The following ARIH1 variants were observed in gnomAD, a reference collection of about 807,000 sequenced individuals.
ARIH1 encodes E3 ubiquitin-protein ligase ARIH1.
A neutral mutation model predicts 85.0 loss-of-function variants in ARIH1; 8 were observed. That is an observed-to-expected ratio of 0.09 (90% confidence interval 0.06 to 0.17). ARIH1 has a LOEUF of 0.17. ARIH1 is among the 10% of genes least tolerant of loss of function. The pLI is 1.00. For missense variants in ARIH1, 311 were observed against 718.1 expected, an observed-to-expected ratio of 0.43 and a Z score of 6.48; for synonymous variants, 238 against 253.6, an observed-to-expected ratio of 0.94 and a Z score of 0.59.
intron 2 of ARIH1, among the ~76,000 whole-genome samples, chr15:72,539,385 T>G (rs917089614): frequency 6.6e-6 from 1 of 151,950 alleles, no homozygotes; most frequent in Non-Finnish European, 1.5e-5. Context: ...AACATAAGAC[T>G]CTTGAGATGA....
intron 3 of ARIH1, 145 bp downstream of exon 3, chr15:72,545,109 AG>A (rs1234232381): frequency 1.4e-6 from 1 of 707,018 alleles, no homozygotes; most frequent in African/African-American, 1.8e-5. Flanking sequence ...GTGTGAGGAA[AG>A]GAAGAAAAAG....
At chr15:72,560,253 T>C (rs1291985346) in intron 5 of ARIH1, among the ~76,000 whole-genome samples, 1 of 152,196 alleles carries the variant, frequency 6.6e-6, no homozygotes, top group African/African-American at 2.4e-5. Flanking sequence ...AAAATTATGA[T>C]AATTTCTATA....
intron 3 of ARIH1, among the ~76,000 whole-genome samples, chr15:72,547,357 C>G (rs35643744): frequency 6.6e-6 from 1 of 151,880 alleles, no homozygotes; most frequent in Non-Finnish European, 1.5e-5. Context: ...CTCAGCCTCC[C>G]GAGTAGCTGG....
chr15:72,502,150 G>C (rs776705302), intron 1 of ARIH1, among the ~76,000 whole-genome samples: 8 of 151,894 alleles, frequency 5.3e-5, no homozygotes, highest in Non-Finnish European at 7.4e-5. Flanking sequence ...TCCCCACTTT[G>C]GTTTGCCGCT....
intron 1 of ARIH1, among the ~76,000 whole-genome samples, chr15:72,514,609 G>A (rs1446472686): frequency 6.6e-6 from 1 of 152,074 alleles, no homozygotes; most frequent in Non-Finnish European, 1.5e-5. Context: ...GGAGGCTGAG[G>A]TGGGAGAATC....
chr15:72,559,554 A>AG (rs2064189192), intron 5 of ARIH1, among the ~76,000 whole-genome samples: 1 of 152,168 alleles, frequency 6.6e-6, no homozygotes, highest in Non-Finnish European at 1.5e-5. Flanking sequence ...TACGGGCGTG[A>AG]GCAACCGCAC....
At chr15:72,519,271 G>C (rs1422943288) in intron 2 of ARIH1, among the ~76,000 whole-genome samples, 1 of 150,894 alleles carries the variant, frequency 6.6e-6, no homozygotes, top group Non-Finnish European at 1.5e-5. Context: ...AAATAATACC[G>C]AGAATATCAC....
chr15:72,548,575 C>T (rs1222878051), intron 3 of ARIH1, among the ~76,000 whole-genome samples: 1 of 152,144 alleles, frequency 6.6e-6, no homozygotes, highest in Non-Finnish European at 1.5e-5. Context: ...TAAGGTAAGG[C>T]ATTATGGAAA....
At chr15:72,482,380 A>G (rs1047803135) in intron 1 of ARIH1, among the ~76,000 whole-genome samples, 2 of 151,952 alleles carry the variant, frequency 1.3e-5, no homozygotes, top group Non-Finnish European at 2.9e-5. Context: ...GAGTAATTTA[A>G]ATAAGTGGAT....
intron 5 of ARIH1, among the ~76,000 whole-genome samples, chr15:72,556,717 A>G (rs1241933848): frequency 6.6e-6 from 1 of 152,160 alleles, no homozygotes; most frequent in Non-Finnish European, 1.5e-5. Flanking sequence ...TTGCCGTCCC[A>G]CCCTACCCAC....
intron 2 of ARIH1, among the ~76,000 whole-genome samples, chr15:72,544,381 A>G (rs1281163664): frequency 3.9e-5 from 6 of 152,206 alleles, no homozygotes; most frequent in Non-Finnish European, 8.8e-5. Context: ...CAGCCTACCC[A>G]TGTAAAATAT....
chr15:72,506,366 G>GAAAAAAAAA (rs1227942202), intron 1 of ARIH1, among the ~76,000 whole-genome samples: 2 of 54,496 alleles, frequency 3.7e-5, no homozygotes, highest in Non-Finnish European at 8.9e-5. Flanking sequence ...AAAAAAAAAA[G>GAAAAAAAAA]AAAAAAAAAA....
chr15:72,538,734 A>G (rs2064093832), intron 2 of ARIH1, among the ~76,000 whole-genome samples: 1 of 152,214 alleles, frequency 6.6e-6, no homozygotes, highest in African/African-American at 2.4e-5. Context: ...TTAAGATTCA[A>G]ATATTCTGGA....
intron 5 of ARIH1, among the ~76,000 whole-genome samples, chr15:72,557,244 T>G (rs2064178333): frequency 6.6e-6 from 1 of 152,118 alleles, no homozygotes; most frequent in Admixed American, 6.5e-5. Flanking sequence ...TTGTACCTGT[T>G]GGCTGCGTAT....
At chr15:72,511,010 A>G (rs951260761) in intron 1 of ARIH1, among the ~76,000 whole-genome samples, 4 of 152,026 alleles carry the variant, frequency 2.6e-5, no homozygotes, top group Non-Finnish European at 4.4e-5. Flanking sequence ...TGTTTATCCA[A>G]AAAATATTTG....
rs1198859538 is a variant in ARIH1 at position 72,591,839 on chromosome 15, A to G, written c.*8547A>G. 6.6e-6 allele frequency: 1 copy of G among 152,178 alleles called. No homozygotes were observed. Among genetic ancestry groups the G allele is most frequent in the Non-Finnish European group, 1.5e-5 (1 of 68,028 alleles). 9.4% of individuals were successfully genotyped at this position (152,178 alleles called of 1,614,324 possible). A position where few individuals can be genotyped will look rare whatever the true frequency, so the allele number is the denominator to read the frequency against. On this transcript the variant is annotated 3_prime_UTR_variant, in exon 14 of 14. Transcript: ENST00000379887. Reference sequence around the variant, plus strand: ...GATGTTTGCTTGTTAATAAATTCCTACCACATACCCAGACTTGTGGTTTAT... The same window carrying G: ...GATGTTTGCTTGTTAATAAATTCCTGCCACATACCCAGACTTGTGGTTTAT...
chr15:72,475,192 G>C (rs2063789569), intron 1 of ARIH1, 178 bp downstream of exon 1: 2 of 1,315,628 alleles, frequency 1.5e-6, no homozygotes, highest in Non-Finnish European at 2.0e-6. Flanking sequence ...GAGGTTCGCC[G>C]ATTAGCCGGG....
rs958066731 is a variant in ARIH1 at position 72,599,551 on chromosome 15, A to G, written c.*16259A>G. On this transcript the variant is annotated 3_prime_UTR_variant, in exon 14 of 14. Transcript: ENST00000379887. ...TATTTTTTGTAGAGACAGGGGTCTC[A>G]CTGTGCTGCCTAGGCTGGTCTCAAA... 2.0e-5 allele frequency: 3 copies of G among 152,014 alleles called. No homozygotes were observed. The highest frequency in any genetic ancestry group is 4.4e-5 in the Non-Finnish European group (3 of 68,014). The allele number at this position is 152,014 out of a possible 1,614,324, so 9.4% of individuals were successfully genotyped here.
intron 1 of ARIH1, among the ~76,000 whole-genome samples, chr15:72,483,491 G>A (rs2063824551): frequency 6.6e-6 from 1 of 152,224 alleles, no homozygotes. Flanking sequence ...ATACAAAGAT[G>A]TGAAGACCAG....
Sources: allele counts gnomAD v4.1 joint callset (sites outside exome capture counted in the v4.1 genomes callset), GRCh38; gene constraint gnomAD v4.1.1; transcripts MANE v1.5; gene names NCBI Gene and HGNC (gene_info 2026-07-23, HGNC 2026-07-21).